Variants in MLIP observed in about 807,000 individuals in gnomAD.
The protein encoded by MLIP is muscular LMNA-interacting protein.
Under a neutral mutation model 84.8 loss-of-function variants are expected in MLIP, and 79 were observed. The observed-to-expected ratio is 0.93, with a 90% CI of 0.78 to 1.12. The LOEUF is 1.12. Among genes scored for constraint, MLIP ranks in the 50% most tolerant of loss-of-function variants. The pLI is 0.00. For synonymous variants in MLIP, 504 were observed against 463.0 expected (o/e 1.09, Z -1.14); for missense variants, 1,257 against 1,160.6 (o/e 1.08, Z -1.21).
chr6:54,261,375 C>A (rs1417482792), intron 13 of MLIP, among the ~76,000 whole-genome samples: 1 of 151,948 alleles, frequency 6.6e-6, no homozygotes, highest in Non-Finnish European at 1.5e-5. Flanking sequence ...ATTGATTTCC[C>A]AAAACATGAT....
At chr6:54,168,819 A>T (rs1775464285) in intron 8 of MLIP, among the ~76,000 whole-genome samples, 1 of 151,480 alleles carries the variant, frequency 6.6e-6, no homozygotes, top group Non-Finnish European at 1.5e-5. Context: ...AGTATGGAGA[A>T]AAATGGATGG....
intron 12 of MLIP, among the ~76,000 whole-genome samples, chr6:54,233,135 C>G (rs1781120464): frequency 6.6e-6 from 1 of 152,160 alleles, no homozygotes; most frequent in Admixed American, 6.5e-5. Context: ...TCTTCACTGC[C>G]TTGCAGCCTC....
chr6:54,057,498 G>C (rs996348213), intron 1 of MLIP, among the ~76,000 whole-genome samples: 1 of 152,152 alleles, frequency 6.6e-6, no homozygotes, highest in Non-Finnish European at 1.5e-5. Context: ...TTTGCATTCA[G>C]GGGGAATAGT....
intron 1 of MLIP, among the ~76,000 whole-genome samples, chr6:54,025,616 G>A (rs1335728511): frequency 1.3e-5 from 2 of 152,110 alleles, no homozygotes; most frequent in Non-Finnish European, 2.9e-5. Flanking sequence ...CTACTCATAA[G>A]AGTAGCAATG....
chr6:54,152,659 G>C (rs549219998), intron 5 of MLIP, among the ~76,000 whole-genome samples: 1 of 152,212 alleles, frequency 6.6e-6, no homozygotes, highest in Admixed American at 6.5e-5. Flanking sequence ...TTTGGGAGGG[G>C]TCACAGCCAA....
intron 1 of MLIP, among the ~76,000 whole-genome samples, chr6:54,060,851 AG>A (rs1215051020): frequency 2.6e-5 from 4 of 152,160 alleles, no homozygotes; most frequent in African/African-American, 9.7e-5. Context: ...CATTTGATAA[AG>A]AAAGAAGATA....
chr6:54,148,939 A>C, intron 4 of MLIP, 117 bp from the exon 5 acceptor site: 1 of 764,266 alleles, frequency 1.3e-6, no homozygotes, highest in African/African-American at 1.8e-5. Context: ...TGTTCAGCAT[A>C]ATAACCCTTT....
chr6:54,025,895 A>G lies in MLIP; in HGVS notation c.63+6804A>G, dbSNP rs190621283. ...CGTCTCCACTTGGCACATCGCCCAC[A>G]ATGGCCCATTCATCATTGGTATATT... On this transcript the variant is annotated intron_variant, in intron 1 of 12. Coordinates refer to the MLIP transcript ENST00000274897. Among the ~76,000 whole-genome samples, 40 of 152,316 alleles carry G rather than the reference A, an allele frequency of 2.6e-4. No individual in the cohort carries two copies. In the East Asian group the frequency reaches 4.6e-3, roughly 18 times the overall value.
At chr6:54,163,843 T>C (rs188497909) in intron 8 of MLIP, among the ~76,000 whole-genome samples, 11 of 152,004 alleles carry the variant, frequency 7.2e-5, no homozygotes, top group Non-Finnish European at 1.3e-4. Context: ...CTTCAAGTTG[T>C]ATAAAGCAAG....
At chr6:54,100,207 A>G (rs896550002) in intron 1 of MLIP, among the ~76,000 whole-genome samples, 2 of 152,154 alleles carry the variant, frequency 1.3e-5, no homozygotes, top group Admixed American at 6.6e-5. Context: ...AGTGTTAGAT[A>G]ACCTGTTTTC....
At chr6:54,220,785 A>C (rs1405631901) in intron 11 of MLIP, among the ~76,000 whole-genome samples, 1 of 152,230 alleles carries the variant, frequency 6.6e-6, no homozygotes, top group African/African-American at 2.4e-5. Flanking sequence ...TCTCTAAAGT[A>C]AGTGACTTCT....
upstream of MLIP, among the ~76,000 whole-genome samples, chr6:54,110,149 A>ATT (rs1434604489): frequency 6.6e-6 from 1 of 151,230 alleles, no homozygotes; most frequent in Non-Finnish European, 1.5e-5. Context: ...CGCCCGGCTA[A>ATT]TTTTTTGTAT....
Position 54,137,152 on chromosome 6 carries a change from C to T in MLIP, c.1083C>T (p.Ala361=). 6.5e-7 allele frequency: 1 copy of T among 1,536,106 alleles called. No individual in the cohort carries two copies. Among genetic ancestry groups the T allele is most frequent in the Non-Finnish European group, 8.7e-7 (1 of 1,146,884 alleles). ...GTGCTTCTCTGAAGTCGAATTCGGC[C>T]TCGTACATACCAGTCCGCATTGTCA... ...SSSASLKSNS[A]SYIPVRIVTH... is the part of the protein sequence containing the mutation. Residue 361 remains alanine (A), a synonymous_variant, in exon 4 of 14, where the codon GCC becomes GCT. Transcript: ENST00000502396.
At chr6:54,152,089 T>A (rs565895238) in intron 5 of MLIP, among the ~76,000 whole-genome samples, 28 of 152,288 alleles carry the variant, frequency 1.8e-4, no homozygotes, top group African/African-American at 6.7e-4. Flanking sequence ...ATAGCTTAAG[T>A]CTTAAATAAG....
chr6:54,030,364 T>A (rs1764058693), intron 1 of MLIP, among the ~76,000 whole-genome samples: 1 of 152,198 alleles, frequency 6.6e-6, no homozygotes, highest in African/African-American at 2.4e-5. Flanking sequence ...CTATACCTAA[T>A]ATGTGCTTCA....
chr6:54,155,863 G>A (rs1426810480), intron 5 of MLIP, among the ~76,000 whole-genome samples: 2 of 152,070 alleles, frequency 1.3e-5, no homozygotes, highest in African/African-American at 4.8e-5. Flanking sequence ...CACTTGTAAT[G>A]AGAGTATTTC....
intron 1 of MLIP, among the ~76,000 whole-genome samples, chr6:54,037,110 G>T (rs1764489775): frequency 6.6e-6 from 1 of 151,960 alleles, no homozygotes; most frequent in African/African-American, 2.4e-5. Flanking sequence ...GTCAGAAGGG[G>T]TCTCTAACCA....
intron 3 of MLIP, among the ~76,000 whole-genome samples, chr6:54,135,930 C>T (rs982655798): frequency 9.9e-5 from 15 of 151,788 alleles, no homozygotes; most frequent in African/African-American, 3.1e-4. Context: ...TCTTTATTTC[C>T]TCTTTATTTG....
At chr6:54,143,110 C>G (rs187138229) in intron 4 of MLIP, among the ~76,000 whole-genome samples, 1 of 152,138 alleles carries the variant, frequency 6.6e-6, no homozygotes, top group South Asian at 2.1e-4. Flanking sequence ...GTGCTTCTCT[C>G]CAGCTAGCCT....
Sources: allele counts gnomAD v4.1 joint callset (sites outside exome capture counted in the v4.1 genomes callset), GRCh38; gene constraint gnomAD v4.1.1; transcripts MANE v1.5; gene names NCBI Gene and HGNC (gene_info 2026-07-23, HGNC 2026-07-21).